The following C2orf76 variants were observed in gnomAD, a reference collection of about 807,000 sequenced individuals.
C2orf76 encodes chromosome 2 open reading frame 76.
In C2orf76, 23 loss-of-function variants were observed where a neutral mutation model predicts 16.9. The observed-to-expected ratio is 1.36, with a 90% confidence interval of 0.98 to 1.93. The LOEUF (loss-of-function observed/expected upper bound fraction) is 1.93. C2orf76 is among the 30% of genes most tolerant of loss of function. C2orf76 has a pLI of 0.00. For missense variants in C2orf76, 152 were observed against 152.6 expected (o/e 1.00, Z 0.02); for synonymous variants, 48 against 52.3 (o/e 0.92, Z 0.35).
At chr2:119,284,651 A>G in the C2orf76 span, among the ~76,000 whole-genome samples, 1 of 150,264 alleles carries the variant, frequency 6.7e-6, no homozygotes, top group Non-Finnish European at 1.5e-5. Context: ...TATACTCTCC[A>G]TATAGTGGGT....
intron 1 of C2orf76, among the ~76,000 whole-genome samples, chr2:119,350,060 G>A (rs555656092): frequency 2.1e-5 from 1 of 48,638 alleles, no homozygotes; most frequent in Non-Finnish European, 4.1e-5. Context: ...ACCACGCCCC[G>A]CCCACACCGC....
At chr2:119,295,301 C>T in the C2orf76 span, among the ~76,000 whole-genome samples, 1 of 152,094 alleles carries the variant, frequency 6.6e-6, no homozygotes, top group Admixed American at 6.5e-5. Context: ...CAGGTGTCGG[C>T]AACAAGGTTA....
intron 1 of C2orf76, among the ~76,000 whole-genome samples, chr2:119,359,701 G>A (rs1283437391): frequency 6.6e-6 from 1 of 152,176 alleles, no homozygotes; most frequent in Non-Finnish European, 1.5e-5. Context: ...GGACTGAACT[G>A]CTGCAATCTC....
intron 1 of C2orf76, among the ~76,000 whole-genome samples, chr2:119,353,376 T>C (rs1162252169): frequency 6.6e-6 from 1 of 152,136 alleles, no homozygotes; most frequent in Non-Finnish European, 1.5e-5. Flanking sequence ...TAATTCACAC[T>C]TAGGACTATG....
intron 1 of C2orf76, among the ~76,000 whole-genome samples, chr2:119,354,109 C>A (rs368373109): frequency 6.6e-6 from 1 of 152,182 alleles, no homozygotes; most frequent in Non-Finnish European, 1.5e-5. Context: ...TGTATTGAAA[C>A]ATCAAATTGT....
intron 4 of C2orf76, 108 bp from the exon 5 acceptor site, chr2:119,311,811 G>A (rs1679001175): frequency 9.6e-7 from 1 of 1,040,464 alleles, no homozygotes; most frequent in African/African-American, 1.6e-5. Flanking sequence ...AATAATCTAA[G>A]TAGATTCCAC....
the C2orf76 span, among the ~76,000 whole-genome samples, chr2:119,294,191 G>T: frequency 6.6e-6 from 1 of 152,122 alleles, no homozygotes; most frequent in Admixed American, 6.6e-5. Context: ...GCCAAGCGAA[G>T]CAAGTGTTGG....
intron 2 of C2orf76, among the ~76,000 whole-genome samples, chr2:119,329,616 T>A (rs536892999): frequency 6.6e-6 from 1 of 152,322 alleles, no homozygotes; most frequent in African/African-American, 2.4e-5. Flanking sequence ...TTATCTCTTT[T>A]TTTAGCTCAT....
At chr2:119,301,702 A>G (rs1029956985), downstream of C2orf76, among the ~76,000 whole-genome samples, 3 of 152,176 alleles carry the variant, frequency 2.0e-5, no homozygotes, top group African/African-American at 7.2e-5. Context: ...CAGGAACCAC[A>G]AGTATTATAT....
chr2:119,363,033 C>T (rs1179084816), intron 1 of C2orf76, among the ~76,000 whole-genome samples: 1 of 152,028 alleles, frequency 6.6e-6, no homozygotes, highest in African/African-American at 2.4e-5. Flanking sequence ...ACCCCACCCC[C>T]ACCAACTCTC....
intron 4 of C2orf76, among the ~76,000 whole-genome samples, chr2:119,311,969 G>A (rs1573625608): frequency 1.3e-5 from 2 of 152,122 alleles, no homozygotes; most frequent in African/African-American, 4.8e-5. Flanking sequence ...ACCCAGCTGT[G>A]TGTTCTCAAC....
At chr2:119,314,675 C>A (rs1679108973) in intron 4 of C2orf76, among the ~76,000 whole-genome samples, 1 of 152,058 alleles carries the variant, frequency 6.6e-6, no homozygotes, top group African/African-American at 2.4e-5. Context: ...TCAAAATTCT[C>A]CTGATTATTC....
chr2:119,343,453 C>G (rs928167247), intron 1 of C2orf76, among the ~76,000 whole-genome samples: 1 of 144,986 alleles, frequency 6.9e-6, no homozygotes, highest in Admixed American at 7.1e-5. Flanking sequence ...CCCATACACA[C>G]GCATATGCAC....
chr2:119,306,115 C>A (rs1294209296), intron 5 of C2orf76, among the ~76,000 whole-genome samples: 1 of 152,120 alleles, frequency 6.6e-6, no homozygotes, highest in Non-Finnish European at 1.5e-5. Context: ...TACCGAGTAA[C>A]CAGATTATCA....
At chr2:119,344,766 T>C (rs891379293) in intron 1 of C2orf76, among the ~76,000 whole-genome samples, 3 of 152,204 alleles carry the variant, frequency 2.0e-5, no homozygotes, top group Non-Finnish European at 4.4e-5. Flanking sequence ...CAATAACAAC[T>C]ATTTTAAATG....
chr2:119,339,992 A>C (rs756866489), intron 1 of C2orf76, 21 bp from the exon 2 acceptor site: 3 of 1,597,318 alleles, frequency 1.9e-6, no homozygotes, highest in Non-Finnish European at 2.6e-6. Context: ...AGACATGAGA[A>C]CCATCTAAAT....
At chr2:119,304,270 A>G (rs1678708318) in intron 5 of C2orf76, among the ~76,000 whole-genome samples, 1 of 152,218 alleles carries the variant, frequency 6.6e-6, no homozygotes, top group African/African-American at 2.4e-5. Flanking sequence ...GTGATGTGCT[A>G]TTTACATACA....
chr2:119,311,860 T>G (rs933774564), intron 4 of C2orf76, among the ~76,000 whole-genome samples, 157 bp from the exon 5 acceptor site: 3 of 152,108 alleles, frequency 2.0e-5, no homozygotes, highest in African/African-American at 7.2e-5. Context: ...AGAGGCACAG[T>G]GAGGTCCTGC....
chr2:119,341,810 G>T (rs564033388), intron 1 of C2orf76, among the ~76,000 whole-genome samples: 114 of 152,236 alleles, frequency 7.5e-4, no homozygotes, highest in Non-Finnish European at 1.3e-3. Context: ...CAAAATAACA[G>T]TGAGACATAT....
Sources: allele counts gnomAD v4.1 joint callset (sites outside exome capture counted in the v4.1 genomes callset), GRCh38; gene constraint gnomAD v4.1.1; transcripts MANE v1.5; gene names NCBI Gene and HGNC (gene_info 2026-07-23, HGNC 2026-07-21).